The following CHM variants were observed in gnomAD, a reference collection of about 807,000 sequenced individuals.
The protein encoded by CHM is rab proteins geranylgeranyltransferase component A 1.
In CHM, 10 loss-of-function variants were observed where a neutral mutation model predicts 49.0. That is an observed-to-expected ratio of 0.20 (90% CI 0.13 to 0.35). CHM has a LOEUF of 0.35. Among genes scored for constraint, CHM ranks in the 10% least tolerant of loss-of-function variants. CHM has a pLI of 1.00. For missense variants in CHM, 455 were observed against 478.4 expected (o/e 0.95, Z 0.46); for synonymous variants, 184 against 167.5 (o/e 1.10, Z -0.76).
intron 2 of CHM, among the ~76,000 whole-genome samples, chrX:86,004,102 A>G (rs755139169): frequency 8.9e-6 from 1 of 112,163 alleles, no homozygotes; most frequent in South Asian, 3.7e-4. Flanking sequence ...AGTGGGGGCC[A>G]ATATTCAACA....
chrX:85,981,208 A>ATATATATATATATATATATATATATATG (rs1555958591), intron 3 of CHM, among the ~76,000 whole-genome samples: 1 of 72,406 alleles, frequency 1.4e-5, no homozygotes, highest in African/African-American at 5.3e-5. Context: ...TTCTATTTCT[A>ATATATATATATATATATATATATATATG]TATATATATA....
chrX:85,919,906 C>A (rs752379835), intron 8 of CHM, among the ~76,000 whole-genome samples: 1 of 107,826 alleles, frequency 9.3e-6, no homozygotes, highest in African/African-American at 3.4e-5. Flanking sequence ...TATCTTATGC[C>A]CAAGTGAAAA....
intron 2 of CHM, among the ~76,000 whole-genome samples, chrX:85,992,911 T>C (rs1485889853): frequency 8.9e-6 from 1 of 112,022 alleles, no homozygotes; most frequent in Non-Finnish European, 1.9e-5. Context: ...GTGTTTGAGT[T>C]ATTACTCATT....
chrX:85,886,538 C>T (rs968886486), intron 12 of CHM, among the ~76,000 whole-genome samples: 1 of 111,360 alleles, frequency 9.0e-6, no homozygotes, highest in African/African-American at 3.3e-5. Flanking sequence ...GGTTTGGATA[C>T]ATAAAATAAA....
chrX:85,991,065 G>A (rs759608889), intron 2 of CHM, among the ~76,000 whole-genome samples: 22 of 111,788 alleles, frequency 2.0e-4, no homozygotes, highest in Non-Finnish European at 3.2e-4. Context: ...AAGGTTGCTC[G>A]ATGGGAACAA....
intron 14 of CHM, among the ~76,000 whole-genome samples, chrX:85,871,337 G>A (rs1288933502): frequency 9.8e-6 from 1 of 101,882 alleles, no homozygotes; most frequent in African/African-American, 3.7e-5. Flanking sequence ...AAATCTGCAT[G>A]GGCTTGTGTT....
intron 2 of CHM, among the ~76,000 whole-genome samples, chrX:86,025,499 G>A (rs749213977): frequency 7.3e-4 from 80 of 109,645 alleles, no homozygotes; most frequent in Non-Finnish European, 1.3e-3. Flanking sequence ...AGCATAGCGA[G>A]ATTCCATCTC....
chrX:85,971,553 G>T (rs142142255), intron 4 of CHM: 34 of 287,421 alleles, frequency 1.2e-4, no homozygotes, highest in South Asian at 9.8e-4. Flanking sequence ...AGATCTTCGC[G>T]GTGAGTGTTA....
intron 9 of CHM, among the ~76,000 whole-genome samples, chrX:85,901,962 A>G (rs1475679347): frequency 8.9e-6 from 1 of 111,898 alleles, no homozygotes; most frequent in African/African-American, 3.2e-5. Flanking sequence ...GCCACAAGTT[A>G]TAAATGTACT....
At chrX:86,007,961 T>C (rs772512076) in intron 2 of CHM, among the ~76,000 whole-genome samples, 2 of 112,298 alleles carry the variant, frequency 1.8e-5, no homozygotes, top group African/African-American at 3.2e-5. Flanking sequence ...TGCACACGTA[T>C]GTTTATTGTG....
At chrX:85,897,657 T>C (rs1319482709) in intron 11 of CHM, among the ~76,000 whole-genome samples, 3 of 110,105 alleles carry the variant, frequency 2.7e-5, no homozygotes, top group Non-Finnish European at 3.8e-5. Flanking sequence ...TCAGGAAGAC[T>C]TGGATTAGGC....
At chrX:85,890,016 A>C in intron 12 of CHM, among the ~76,000 whole-genome samples, 1 of 111,244 alleles carries the variant, frequency 9.0e-6, no homozygotes. Flanking sequence ...GGAGATACAG[A>C]TGGGAACAAT....
At chrX:85,914,234 C>A (rs760973000) in intron 8 of CHM, among the ~76,000 whole-genome samples, 2 of 110,722 alleles carry the variant, frequency 1.8e-5, no homozygotes, top group Non-Finnish European at 3.8e-5. Flanking sequence ...ACCAAGGGAG[C>A]CCATCCCCCA....
chrX:85,869,038 T>C (rs1245340607), intron 14 of CHM, among the ~76,000 whole-genome samples: 22 of 112,047 alleles, frequency 2.0e-4, no homozygotes, highest in Non-Finnish European at 5.6e-5. Context: ...TCAATTCTAC[T>C]GTCTTTGATT....
At chrX:85,902,553 T>C (rs1405819711) in intron 9 of CHM, among the ~76,000 whole-genome samples, 1 of 111,508 alleles carries the variant, frequency 9.0e-6, no homozygotes, top group East Asian at 2.8e-4. Context: ...CCATCTCATC[T>C]CCACCTTCTT....
intron 1 of CHM, among the ~76,000 whole-genome samples, chrX:86,029,637 A>G (rs1933964795): frequency 9.0e-6 from 1 of 111,708 alleles, no homozygotes. Context: ...GTAATTTGGT[A>G]ATTCCATATC....
intron 2 of CHM, chrX:86,027,176 A>C: frequency 3.7e-6 from 1 of 272,361 alleles, no homozygotes; most frequent in Non-Finnish European, 6.6e-6. Context: ...ATGTAGGAAA[A>C]GGGGCAGGCA....
intron 14 of CHM, among the ~76,000 whole-genome samples, chrX:85,869,495 T>C (rs1418699868): frequency 9.0e-6 from 1 of 110,787 alleles, no homozygotes; most frequent in Non-Finnish European, 1.9e-5. Context: ...ACCACCTGCC[T>C]CCTAAGATTA....
intron 14 of CHM, among the ~76,000 whole-genome samples, chrX:85,868,951 T>C (rs988073267): frequency 3.6e-5 from 4 of 112,095 alleles, no homozygotes; most frequent in African/African-American, 1.3e-4. Context: ...TGTTTATTTG[T>C]ATGAAACAAT....
Sources: allele counts gnomAD v4.1 joint callset (sites outside exome capture counted in the v4.1 genomes callset), GRCh38; gene constraint gnomAD v4.1.1; transcripts MANE v1.5; gene names NCBI Gene and HGNC (gene_info 2026-07-23, HGNC 2026-07-21).